The following NEDD1 variants were observed in gnomAD, a reference collection of about 807,000 sequenced individuals.
NEDD1 encodes NEDD1 gamma-tubulin ring complex targeting factor.
NEDD1 carries 33 observed loss-of-function variants against 74.0 expected under a neutral mutation model. The observed-to-expected ratio is 0.45, with a 90% confidence interval of 0.34 to 0.60. The LOEUF (loss-of-function observed/expected upper bound fraction) is 0.60, where lower values mean the gene tolerates loss of function less well. NEDD1 is among the 20% of genes least tolerant of loss of function. The probability of loss-of-function intolerance (pLI) is 0.01; values close to 1 mark genes in which losing one functional copy is unlikely to be tolerated. For missense variants in NEDD1, 746 were observed against 776.5 expected, an observed-to-expected ratio of 0.96 and a Z score of 0.47; for synonymous variants, 250 against 264.4, an observed-to-expected ratio of 0.95 and a Z score of 0.53.
In NEDD1 at chr12:96,907,838, C is replaced by A. The variant is rs1239564893; in HGVS notation, c.-27C>A. Reference sequence around the variant, plus strand: ...CATGTAAAGTCTCTCCCTTAATGCTCAGTTCTTAGAAGACCGAGGTAGGTG... The same window carrying A: ...CATGTAAAGTCTCTCCCTTAATGCTAAGTTCTTAGAAGACCGAGGTAGGTG... On this transcript the variant is annotated 5_prime_UTR_variant, in exon 2 of 16. Transcript: ENST00000266742. The A allele has an allele frequency of 3.5e-6, 5 of 1,416,646 alleles. No individual in the cohort carries two copies. The highest frequency in any genetic ancestry group is 2.7e-5 in the Admixed American group (1 of 36,932). The allele number at this position is 1,416,646 out of a possible 1,614,324, so 87.8% of individuals were successfully genotyped here.
chr12:96,938,494 C>G (rs1877348729), intron 9 of NEDD1, among the ~76,000 whole-genome samples: 1 of 151,974 alleles, frequency 6.6e-6, no homozygotes, highest in South Asian at 2.1e-4. Flanking sequence ...TGAAGTCTCT[C>G]CATTATTCAT....
At chr12:96,937,488 A>T in intron 9 of NEDD1, 95 bp downstream of exon 9, 1 of 572,640 alleles carries the variant, frequency 1.7e-6, no homozygotes, top group African/African-American at 1.9e-5. Flanking sequence ...CTTCAAGAAC[A>T]TAGAACTCAA....
intron 9 of NEDD1, 133 bp downstream of exon 9, chr12:96,937,526 G>A: frequency 2.2e-6 from 1 of 449,894 alleles, no homozygotes; most frequent in East Asian, 3.5e-5. Context: ...GGTAAAATTA[G>A]TAGAAGTGAA....
At chr12:96,944,217 T>C (rs956988320) in intron 12 of NEDD1, among the ~76,000 whole-genome samples, 4 of 152,048 alleles carry the variant, frequency 2.6e-5, no homozygotes, top group Admixed American at 1.3e-4. Context: ...CCAAGCCAGT[T>C]GGGTATACAA....
chr12:96,917,012 T>C (rs2136522679), intron 4 of NEDD1, among the ~76,000 whole-genome samples: 1 of 152,270 alleles, frequency 6.6e-6, no homozygotes, highest in South Asian at 2.1e-4. Flanking sequence ...CAAGGGTTAT[T>C]CTGGGTTTTT....
rs752606732 is a variant in NEDD1, at chr12:96,936,566, G to A, written c.720-45G>A. 24 of 1,362,246 alleles carry A rather than the reference G, an allele frequency of 1.8e-5. 1 individual carries two copies. The South Asian group carries it at 2.3e-4, about 13-fold the overall frequency. 84.4% of individuals were successfully genotyped at this position (1,362,246 alleles called of 1,614,324 possible). On this transcript the variant is annotated intron_variant, in intron 7 of 15. Coordinates refer to ENST00000266742, the MANE Select transcript of NEDD1 (RefSeq NM_152905.4). ...GTTACTTATATAAGCTAATATACCT[G>A]TACACACTAACATTTCTACACATAC...
intron 4 of NEDD1, among the ~76,000 whole-genome samples, chr12:96,913,346 A>G (rs1382436091): frequency 6.6e-6 from 1 of 150,742 alleles, no homozygotes; most frequent in Non-Finnish European, 1.5e-5. Flanking sequence ...GTTTAAATGA[A>G]GCTCTCACTA....
chr12:96,952,956 G>A lies in NEDD1; in HGVS notation c.*903G>A, dbSNP rs1440528639. 1 of 151,316 alleles carries A rather than the reference G, an allele frequency of 6.6e-6. No homozygotes were observed. Among genetic ancestry groups the A allele is most frequent in the Non-Finnish European group, 1.5e-5 (1 of 67,550 alleles). The allele number at this position is 151,316 out of a possible 1,614,324, so 9.4% of individuals were successfully genotyped here. On this transcript the variant is annotated 3_prime_UTR_variant, in exon 16 of 16. Transcript: ENST00000266742. Reference sequence around the variant, plus strand: ...TTAACTTTAATTCTTTCTGTACTGTGTATAATATTTTTATATTATTGGCCT... The same window carrying A: ...TTAACTTTAATTCTTTCTGTACTGTATATAATATTTTTATATTATTGGCCT...
chr12:96,944,572 A>G, intron 12 of NEDD1, 67 bp from the exon 13 acceptor site: 1 of 1,006,180 alleles, frequency 9.9e-7, no homozygotes, highest in East Asian at 2.8e-5. Flanking sequence ...GAAGTAGGCA[A>G]AAATTATATG....
At chr12:96,940,898 T>C (rs1293028548) in intron 10 of NEDD1, among the ~76,000 whole-genome samples, 5 of 152,070 alleles carry the variant, frequency 3.3e-5, no homozygotes, top group African/African-American at 1.2e-4. Flanking sequence ...CTTCCTAATT[T>C]AAAAAATTGT....
rs1486094310 is a variant in NEDD1, at chr12:96,930,187, ACACACACACACACACACACACACACTCT to A, written c.490-4787_490-4760del. 2.0e-3 allele frequency among the ~76,000 whole-genome samples: 195 copies of A among 97,680 alleles called. 1 individual carries two copies. The highest frequency in any genetic ancestry group is 3.6e-3 in the South Asian group (9 of 2,496). The allele number at this position is 97,680 out of a possible 152,430, so 64.1% of individuals were successfully genotyped here. On this transcript the variant is annotated intron_variant, in intron 6 of 15. Transcript: ENST00000266742. ...CACACACACACACACACACACACAC[ACACACACACACACACACACACACACTCT>A]CTCTCTCTCTCTCTCTCTCTCTCTC... is the stretch of plus-strand genomic sequence containing the variant.
At chr12:96,935,319 G>A in intron 7 of NEDD1, 114 bp downstream of exon 7, 3 of 653,668 alleles carry the variant, frequency 4.6e-6, no homozygotes, top group Non-Finnish European at 8.0e-6. Context: ...CCTAAAGTTT[G>A]TACAGTTGAT....
At chr12:96,914,313 T>C (rs1158088281) in intron 4 of NEDD1, among the ~76,000 whole-genome samples, 1 of 152,202 alleles carries the variant, frequency 6.6e-6, no homozygotes, top group Non-Finnish European at 1.5e-5. Context: ...AGTGAATCAG[T>C]ATTTGGGAGC....
chr12:96,908,667 G>A (rs534982757), intron 2 of NEDD1, among the ~76,000 whole-genome samples: 2 of 152,284 alleles, frequency 1.3e-5, no homozygotes, highest in Admixed American at 6.5e-5. Flanking sequence ...ATTGGTATAG[G>A]GACTTAGTGG....
chr12:96,940,539 T>C lies in NEDD1; in HGVS notation c.1246+2T>C. The C allele has an allele frequency of 6.3e-7, 1 of 1,599,418 alleles. No individual in the cohort carries two copies. The highest frequency in any genetic ancestry group is 8.6e-7 in the Non-Finnish European group (1 of 1,169,566). On this transcript the variant is annotated splice_donor_variant, in intron 10 of 15. Transcript: ENST00000266742. LOFTEE classifies it high-confidence loss of function. ...ACATGTTCTCACCTATCAGAGATGG[T>C]AAGTCTGTTCAGAGGATCCTGTTCT...
intron 14 of NEDD1, among the ~76,000 whole-genome samples, chr12:96,949,724 G>T (rs940892431): frequency 1.3e-5 from 2 of 152,050 alleles, no homozygotes; most frequent in African/African-American, 4.8e-5. Flanking sequence ...AATGAAATAA[G>T]CTGGAAAGAA....
chr12:96,941,503 A>T (rs1158850316), intron 10 of NEDD1, among the ~76,000 whole-genome samples: 1 of 152,048 alleles, frequency 6.6e-6, no homozygotes, highest in African/African-American at 2.4e-5. Context: ...GGATGAAGAG[A>T]AGTCGAACTA....
intron 5 of NEDD1, 102 bp downstream of exon 5, chr12:96,917,839 G>A (rs532366342): frequency 7.6e-7 from 1 of 1,321,084 alleles, no homozygotes; most frequent in Admixed American, 3.1e-5. Context: ...AAAAATAAGA[G>A]GCTTCAGAAT....
chr12:96,930,540 AG>A (rs1876342315), intron 6 of NEDD1, among the ~76,000 whole-genome samples: 1 of 152,112 alleles, frequency 6.6e-6, no homozygotes, highest in South Asian at 2.1e-4. Flanking sequence ...CTCAGTGCCC[AG>A]GGTTTTTATT....
Sources: allele counts gnomAD v4.1 joint callset (sites outside exome capture counted in the v4.1 genomes callset), GRCh38; gene constraint gnomAD v4.1.1; transcripts MANE v1.5; gene names NCBI Gene and HGNC (gene_info 2026-07-23, HGNC 2026-07-21).